GRXCR1: variants seen among roughly 807,000 people sequenced by gnomAD.
The protein encoded by GRXCR1 is glutaredoxin domain-containing cysteine-rich protein 1.
A neutral mutation model predicts 27.3 loss-of-function variants in GRXCR1; 27 were observed. The observed-to-expected ratio is 0.99, with a 90% CI of 0.73 to 1.37. The LOEUF is 1.37. Among genes scored for constraint, GRXCR1 ranks in the 40% most tolerant of loss-of-function variants. The pLI is 0.00. For missense variants in GRXCR1, 379 were observed against 354.4 expected (o/e 1.07, Z -0.56); for synonymous variants, 122 against 131.1 (o/e 0.93, Z 0.47).
At chr4:42,909,734 C>G (rs1017283085) in intron 1 of GRXCR1, among the ~76,000 whole-genome samples, 1 of 152,076 alleles carries the variant, frequency 6.6e-6, no homozygotes, top group Non-Finnish European at 1.5e-5. Context: ...GTTCATCATC[C>G]AATTGTAACT....
Position 42,930,255 on chromosome 4 carries a change from G to A in GRXCR1, c.385-32637G>A, listed in dbSNP as rs916784191. 3.3e-5 allele frequency among the ~76,000 whole-genome samples: 5 copies of A among 152,080 alleles called. No individual in the cohort carries two copies. The South Asian group carries it at 8.3e-4, about 25-fold the overall frequency. On this transcript the variant is annotated intron_variant, in intron 1 of 3. Transcript: ENST00000399770. ...GCACCAAGTTAATACTTATTATTAG[G>A]CAACATTGTGCTAAAATTCCATTGG...
chr4:42,966,971 T>C (rs1748252310), intron 2 of GRXCR1, among the ~76,000 whole-genome samples: 1 of 152,106 alleles, frequency 6.6e-6, no homozygotes, highest in African/African-American at 2.4e-5. Context: ...CTTTTGCAGG[T>C]ATTTTCTTAA....
chr4:42,914,945 T>C (rs755509366), intron 1 of GRXCR1, among the ~76,000 whole-genome samples: 17 of 152,136 alleles, frequency 1.1e-4, no homozygotes, highest in Non-Finnish European at 2.1e-4. Context: ...TGTCACCCTC[T>C]AAAGAGGTGT....
intron 1 of GRXCR1, among the ~76,000 whole-genome samples, chr4:42,894,955 CTTAG>C (rs1321220582): frequency 2.0e-5 from 3 of 152,154 alleles, no homozygotes; most frequent in South Asian, 4.1e-4. Context: ...TTATGATTAA[CTTAG>C]TTTGTTATTA....
intron 2 of GRXCR1, among the ~76,000 whole-genome samples, chr4:42,981,771 T>C (rs78486496): frequency 0.03 from 4,641 of 152,290 alleles, 79 homozygotes; most frequent in South Asian, 0.058. Flanking sequence ...CTCCTTGTCT[T>C]ATGGTTTCTG....
chr4:43,011,993 C>G (rs11941642), intron 2 of GRXCR1, among the ~76,000 whole-genome samples: 2 of 152,082 alleles, frequency 1.3e-5, no homozygotes, highest in East Asian at 1.9e-4. Flanking sequence ...CTCCCTCCTG[C>G]GAATGGAATT....
chr4:42,905,391 C>G (rs1372601542), intron 1 of GRXCR1, among the ~76,000 whole-genome samples: 1 of 152,160 alleles, frequency 6.6e-6, no homozygotes, highest in East Asian at 1.9e-4. Flanking sequence ...ATTTTTAATA[C>G]CTTTCCATGC....
intron 2 of GRXCR1, among the ~76,000 whole-genome samples, chr4:43,012,100 T>A (rs924096882): frequency 6.6e-6 from 1 of 152,196 alleles, no homozygotes; most frequent in Non-Finnish European, 1.5e-5. Flanking sequence ...TAAATATCCA[T>A]TTCATCCCAG....
At chr4:43,007,029 C>T (rs1712582554) in intron 2 of GRXCR1, among the ~76,000 whole-genome samples, 1 of 152,068 alleles carries the variant, frequency 6.6e-6, no homozygotes, top group African/African-American at 2.4e-5. Context: ...GAAAGGGGAG[C>T]AGTAGAGGAG....
intron 1 of GRXCR1, among the ~76,000 whole-genome samples, chr4:42,956,988 C>G (rs557879146): frequency 2.8e-4 from 43 of 152,118 alleles, no homozygotes; most frequent in Non-Finnish European, 5.4e-4. Context: ...ACCCTTCATA[C>G]CTATCTAGAG....
chr4:42,992,802 A>G (rs932033305), intron 2 of GRXCR1, among the ~76,000 whole-genome samples: 2 of 152,180 alleles, frequency 1.3e-5, no homozygotes, highest in African/African-American at 4.8e-5. Context: ...ATGTATTTAA[A>G]TATAATTAAG....
At chr4:42,895,811 C>T (rs1007700592) in intron 1 of GRXCR1, among the ~76,000 whole-genome samples, 2 of 151,974 alleles carry the variant, frequency 1.3e-5, no homozygotes, top group Non-Finnish European at 2.9e-5. Flanking sequence ...ACAGAGAAGC[C>T]CCAGGGGCTA....
intron 1 of GRXCR1, among the ~76,000 whole-genome samples, chr4:42,951,300 CA>C (rs1287892306): frequency 6.6e-6 from 1 of 152,152 alleles, no homozygotes. Flanking sequence ...CATTACATTG[CA>C]AATGCTCATC....
At chr4:42,967,477 C>T (rs1275891206) in intron 2 of GRXCR1, among the ~76,000 whole-genome samples, 1 of 151,970 alleles carries the variant, frequency 6.6e-6, no homozygotes, top group Admixed American at 6.6e-5. Context: ...TTTTATATCT[C>T]ACTTAATATG....
intron 2 of GRXCR1, among the ~76,000 whole-genome samples, chr4:42,975,864 G>A (rs1162370014): frequency 6.6e-6 from 1 of 152,084 alleles, no homozygotes; most frequent in Non-Finnish European, 1.5e-5. Flanking sequence ...GTACTTTGAA[G>A]CCTCTTTATG....
chr4:42,936,398 A>AT (rs1021664395), intron 1 of GRXCR1, among the ~76,000 whole-genome samples: 1 of 151,872 alleles, frequency 6.6e-6, no homozygotes, highest in African/African-American at 2.4e-5. Context: ...TAGTGTTAGA[A>AT]TTTTTTATGT....
At chr4:42,983,905 G>A (rs981005845) in intron 2 of GRXCR1, among the ~76,000 whole-genome samples, 12 of 146,806 alleles carry the variant, frequency 8.2e-5, no homozygotes, top group South Asian at 2.2e-4. Context: ...GTGTGATCTC[G>A]GCTCACTGGA....
chr4:42,898,973 G>A (rs925832217), intron 1 of GRXCR1, among the ~76,000 whole-genome samples: 1 of 152,096 alleles, frequency 6.6e-6, no homozygotes, highest in Non-Finnish European at 1.5e-5. Flanking sequence ...AAGCAGCAAA[G>A]ATGAGTTGGT....
At chr4:42,956,901 G>A (rs1405481653) in intron 1 of GRXCR1, among the ~76,000 whole-genome samples, 1 of 151,864 alleles carries the variant, frequency 6.6e-6, no homozygotes, top group Non-Finnish European at 1.5e-5. Context: ...AACCCTTTAG[G>A]GGTTTCTCGT....
Sources: gnomAD v4.1 joint callset for allele counts (sites outside exome capture counted in the v4.1 genomes callset) on GRCh38, gnomAD v4.1.1 for gene constraint, MANE v1.5 for transcripts, NCBI Gene and HGNC (gene_info 2026-07-23, HGNC 2026-07-21) for gene names.